Variants in E2F2 observed in about 807,000 individuals in gnomAD.
E2F2 encodes the protein E2F transcription factor 2, also known as transcription factor E2F2.
Under a neutral mutation model 42.2 loss-of-function variants are expected in E2F2, and 22 were observed. The ratio of observed to expected loss-of-function variants is 0.52; its 90% CI spans 0.37 to 0.74. The LOEUF (loss-of-function observed/expected upper bound fraction) is 0.74, where lower values mean the gene tolerates loss of function less well. E2F2 is among the 30% of genes least tolerant of loss of function. E2F2 has a pLI of 0.00. For synonymous variants in E2F2, 248 were observed against 251.6 expected (o/e 0.99, Z 0.13); for missense variants, 481 against 557.8 (o/e 0.86, Z 1.39).
intron 2 of E2F2, among the ~76,000 whole-genome samples, chr1:23,524,136 C>T (rs1184069317): frequency 6.7e-6 from 1 of 149,270 alleles, no homozygotes; most frequent in African/African-American, 2.4e-5. Context: ...GCAAGATTTA[C>T]ATGTCCAGGC....
chr1:23,507,042 A>C lies in E2F2; in HGVS notation c.*2838T>G, dbSNP rs1421936497. ...GTCCCTGGCTTCAAGAAATCTCTGA[A>C]TCTCCAACTCTACTGGATGATTTCC... On this transcript the variant is annotated 3_prime_UTR_variant, in exon 7 of 7. Transcript: ENST00000361729. The C allele has an allele frequency of 6.6e-6, 1 of 152,202 alleles. No homozygotes were observed. Among genetic ancestry groups the C allele is most frequent in the Non-Finnish European group, 1.5e-5 (1 of 68,070 alleles). The allele number at this position is 152,202 out of a possible 1,614,324, so 9.4% of individuals were successfully genotyped here.
At chr1:23,512,491 C>T (rs1041741332) in intron 6 of E2F2, among the ~76,000 whole-genome samples, 1 of 152,108 alleles carries the variant, frequency 6.6e-6, no homozygotes, top group Non-Finnish European at 1.5e-5. Flanking sequence ...TGGCACGCTG[C>T]TGATGTTACA....
Position 23,519,055 on chromosome 1 carries a change from G to A in E2F2, c.813C>T (p.Ala271=), listed in dbSNP as rs1419462110. ...GCACTTCCAGTCTCGTCTGCGGAGG[G>A]GCCTTGACGGCAATCACTGTCTGCT... The part of the protein sequence containing the change: ...FKEQTVIAVK[A]PPQTRLEVPD... The change falls in exon 5 of 7, where the codon GCC becomes GCT. Residue 271 remains alanine, a synonymous_variant. Coordinates refer to ENST00000361729, the MANE Select transcript of E2F2 (RefSeq NM_004091.4). 1 of 1,613,784 alleles carries A rather than the reference G, an allele frequency of 6.2e-7. No homozygotes were observed. Among genetic ancestry groups the A allele is most frequent in the Non-Finnish European group, 8.5e-7 (1 of 1,179,908 alleles).
rs1474827962 is a variant in E2F2, at chr1:23,530,253, C to T, written c.252+289G>A. Among the ~76,000 whole-genome samples, 1 of 152,222 alleles carries T rather than the reference C, an allele frequency of 6.6e-6. No homozygotes were observed. Among genetic ancestry groups the T allele is most frequent in the East Asian group, 1.9e-4 (1 of 5,198 alleles). ...CGGCAACGCTGGCTGCATGGACTTC[C>T]CCAAGGTCACACAGTGCACTGGGAG... On this transcript the variant is annotated intron_variant, in intron 1 of 6. Transcript: ENST00000361729. The surrounding 1 kb of genome is among the most constrained non-coding windows in gnomAD (Gnocchi z 4.4).
intron 1 of E2F2, 100 bp from the exon 2 acceptor site, chr1:23,524,588 C>A (rs570691712): frequency 1.1e-3 from 1,065 of 978,928 alleles, no homozygotes; most frequent in Non-Finnish European, 1.5e-3. Flanking sequence ...TTAGCAGCCA[C>A]CTCTGTGCCT....
At chr1:23,512,393 T>C (rs2148689412) in intron 6 of E2F2, among the ~76,000 whole-genome samples, 1 of 152,062 alleles carries the variant, frequency 6.6e-6, no homozygotes, top group Non-Finnish European at 1.5e-5. Flanking sequence ...GAGTCCATGC[T>C]GTTACCCCTA....
At chr1:23,514,582 C>T (rs1394443691) in intron 6 of E2F2, among the ~76,000 whole-genome samples, 1 of 151,700 alleles carries the variant, frequency 6.6e-6, no homozygotes, top group African/African-American at 2.4e-5. Context: ...AATCCCAGCA[C>T]TTTGGGAAGC....
intron 6 of E2F2, among the ~76,000 whole-genome samples, chr1:23,510,712 G>A (rs563118496): frequency 6.6e-6 from 1 of 152,314 alleles, no homozygotes; most frequent in Non-Finnish European, 1.5e-5. Flanking sequence ...CAAATACTGT[G>A]TGATTCCACT....
At chr1:23,527,491 T>C (rs1248086140) in intron 1 of E2F2, among the ~76,000 whole-genome samples, 2 of 152,172 alleles carry the variant, frequency 1.3e-5, no homozygotes, top group South Asian at 2.1e-4. Context: ...AGCTCCTTCC[T>C]CAGGCAGCTG....
At chr1:23,512,967 C>T (rs1642939123) in intron 6 of E2F2, among the ~76,000 whole-genome samples, 1 of 152,020 alleles carries the variant, frequency 6.6e-6, no homozygotes, top group Non-Finnish European at 1.5e-5. Context: ...CATGCACCAC[C>T]ACCTCCGGCT....
At chr1:23,515,912 G>A (rs376226769) in intron 6 of E2F2, among the ~76,000 whole-genome samples, 4 of 152,122 alleles carry the variant, frequency 2.6e-5, no homozygotes, top group African/African-American at 9.6e-5. Context: ...ATGTTGCCCG[G>A]GCTGCTCTTG....
chr1:23,530,501 G>A lies in E2F2; in HGVS notation c.252+41C>T, dbSNP rs1419866974. 9.4e-6 allele frequency: 15 copies of A among 1,603,398 alleles called. No homozygotes were observed. The African/African-American group carries it at 1.9e-4, about 20-fold the overall frequency. ...CACCCCTCCCTCCTTTCCCACACCT[G>A]GAAAAGCATAGGGGGAAGCGGTGGG... On this transcript the variant is annotated intron_variant, in intron 1 of 6. Transcript: ENST00000361729. The surrounding 1 kb of genome is among the most constrained non-coding windows in gnomAD (Gnocchi z 4.4).
rs535279957 is a variant in E2F2 at position 23,507,859 on chromosome 1, C to T, written c.*2021G>A. 6.6e-6 allele frequency: 1 copy of T among 152,346 alleles called. No homozygotes were observed. Among genetic ancestry groups the T allele is most frequent in the South Asian group, 2.1e-4 (1 of 4,828 alleles). 9.4% of individuals were successfully genotyped at this position (152,346 alleles called of 1,614,324 possible). A position where few individuals can be genotyped will look rare whatever the true frequency, so the allele number is the denominator to read the frequency against. ...CAATGGGTCCTGCAGGCCCCTTCTT[C>T]CTTTTCTCTGATGTAATTCTTGGGG... On this transcript the variant is annotated 3_prime_UTR_variant, in exon 7 of 7. Transcript: ENST00000361729.
chr1:23,525,642 T>C (rs1300276390), intron 1 of E2F2, among the ~76,000 whole-genome samples: 2 of 152,206 alleles, frequency 1.3e-5, no homozygotes, highest in East Asian at 1.9e-4. Context: ...GAAGCACTTA[T>C]TTAGCTCCCT....
intron 2 of E2F2, among the ~76,000 whole-genome samples, chr1:23,522,670 C>T (rs180987452): frequency 2.0e-5 from 3 of 152,272 alleles, no homozygotes; most frequent in African/African-American, 4.8e-5. Flanking sequence ...TTTTTCTTCC[C>T]ATGTGAATCA....
intron 5 of E2F2, among the ~76,000 whole-genome samples, chr1:23,517,727 C>A (rs1042205853): frequency 1.3e-5 from 2 of 152,136 alleles, no homozygotes; most frequent in African/African-American, 4.8e-5. Context: ...TTAAAGGCAG[C>A]GGAAAAGCAC....
intron 6 of E2F2, 125 bp from the exon 7 acceptor site, chr1:23,510,273 C>G: frequency 7.1e-7 from 1 of 1,400,842 alleles, no homozygotes; most frequent in South Asian, 1.6e-5. Flanking sequence ...GGTGGACTGT[C>G]GTGCTCTCAA....
In E2F2 at chr1:23,524,375, C is replaced by T; in HGVS notation, c.358+8G>A. 1.1e-5 allele frequency: 17 copies of T among 1,604,280 alleles called. No homozygotes were observed. The highest frequency in any genetic ancestry group is 1.4e-5 in the Non-Finnish European group (17 of 1,174,932). ...CCCCACCCCAGAGGCCCCATCAGCA[C>T]TGCTTACTTTTGGGGCTGGGGAGGC... On this transcript the variant is annotated splice_region_variant and intron_variant, in intron 2 of 6. Transcript: ENST00000361729.
chr1:23,519,144 G>T lies in E2F2; in HGVS notation c.738-14C>A. The T allele has an allele frequency of 6.2e-7, 1 of 1,601,356 alleles. No individual in the cohort carries two copies. Among genetic ancestry groups the T allele is most frequent in the Middle Eastern group, 1.7e-4 (1 of 6,030 alleles). On this transcript the variant is annotated splice_polypyrimidine_tract_variant and intron_variant, in intron 4 of 6. Coordinates refer to ENST00000361729, the MANE Select transcript of E2F2 (RefSeq NM_004091.4). ...ACATAGGCCAGCGTAGGGCAGGAGA[G>T]TCAAGAAAAGTGACTGTCTGGTCAA...
Sources: gnomAD v4.1 joint callset for allele counts (sites outside exome capture counted in the v4.1 genomes callset) on GRCh38, gnomAD v4.1.1 for gene constraint, Gnocchi (gnomAD v3.1) non-coding constraint, MANE v1.5 for transcripts, NCBI Gene and HGNC (gene_info 2026-07-23, HGNC 2026-07-21) for gene names.